IL21: variants seen among roughly 807,000 people sequenced by gnomAD.
IL21 encodes the protein interleukin 21.
A neutral mutation model predicts 18.4 loss-of-function variants in IL21; 3 were observed. The observed-to-expected ratio is 0.16, with a 90% confidence interval of 0.07 to 0.42. The LOEUF is 0.42. IL21 is among the 10% of genes least tolerant of loss of function. IL21 has a pLI of 0.99. For missense variants in IL21, 130 were observed against 188.4 expected (o/e 0.69, Z 1.81); for synonymous variants, 37 against 62.0 (o/e 0.60, Z 1.90).
chr4:122,610,975 C>A lies in IL21; in HGVS notation c.*1735G>T, dbSNP rs1578433858. On this transcript the variant is annotated 3_prime_UTR_variant, in exon 5 of 5. Transcript: ENST00000648588. ...GTTATTTTTACTTTTAAGATAGAGACCCTGATCAAAATAATTGGAACAGAA... is the reference window on the plus strand; with the variant it reads ...GTTATTTTTACTTTTAAGATAGAGAACCTGATCAAAATAATTGGAACAGAA... 6.6e-6 allele frequency among the ~76,000 whole-genome samples: 1 copy of A among 152,090 alleles called. No homozygotes were observed. Among genetic ancestry groups the A allele is most frequent in the African/African-American group, 2.4e-5 (1 of 41,414 alleles).
chr4:122,613,347 CTTTTTTT>C (rs34061725), intron 3 of IL21, among the ~76,000 whole-genome samples: 2 of 94,958 alleles, frequency 2.1e-5, no homozygotes, highest in African/African-American at 7.6e-5. Context: ...TTGCATCTAA[CTTTTTTT>C]TTTTTTTTTT....
rs759050428 is a variant in IL21, at chr4:122,612,778, C to T, written c.439-18G>A. On this transcript the variant is annotated intron_variant, in intron 4 of 4. Transcript: ENST00000648588. ...TGAATCATCTGTGGAAATAGTATAC[C>T]GTGAGTAACTAAGAAGCAAATCTGG... is the stretch of plus-strand genomic sequence containing the variant. 17 of 1,613,124 alleles carry T rather than the reference C, an allele frequency of 1.1e-5. No homozygotes were observed. In the Admixed American group the frequency reaches 2.0e-4, roughly 19 times the overall value.
intron 2 of IL21, 66 bp from the exon 3 acceptor site, chr4:122,615,903 C>A: frequency 7.4e-7 from 1 of 1,351,136 alleles, no homozygotes; most frequent in East Asian, 2.3e-5. Context: ...ATAGCTTTCC[C>A]AATCCTCTAT....
chr4:122,615,849 A>C lies in IL21; in HGVS notation c.205-12T>G, dbSNP rs760785878. The C allele has an allele frequency of 6.3e-7, 1 of 1,598,862 alleles. No homozygotes were observed. The highest frequency in any genetic ancestry group is 1.7e-5 in the Admixed American group (1 of 58,136). ...CACTCACAGTTTGTCTGAAAGATAA[A>C]CAATTTGTATATATGTTAACAAACA... On this transcript the variant is annotated splice_polypyrimidine_tract_variant and intron_variant, in intron 2 of 4. Transcript: ENST00000648588.
chr4:122,618,552 A>C (rs1799373525), intron 2 of IL21, among the ~76,000 whole-genome samples: 1 of 152,170 alleles, frequency 6.6e-6, no homozygotes, highest in South Asian at 2.1e-4. Context: ...CACGCCTGTC[A>C]TCCCAGCACT....
intron 2 of IL21, chr4:122,620,002 C>T (rs1799400929): frequency 6.6e-6 from 1 of 152,198 alleles, no homozygotes; most frequent in African/African-American, 2.4e-5. Context: ...GTAGAAGTTA[C>T]TGGAGAAAAA....
At chr4:122,620,546 TTTAACCAAAATA>T (rs1166572642) in intron 2 of IL21, among the ~76,000 whole-genome samples, 143 bp downstream of exon 2, 1 of 152,204 alleles carries the variant, frequency 6.6e-6, no homozygotes, top group Non-Finnish European at 1.5e-5. Flanking sequence ...AATCAATGAA[TTTAACCAAAATA>T]TAAATAAATA....
At chr4:122,617,793 G>A (rs1401888465) in intron 2 of IL21, among the ~76,000 whole-genome samples, 1 of 152,202 alleles carries the variant, frequency 6.6e-6, no homozygotes, top group African/African-American at 2.4e-5. Flanking sequence ...CTGGCAATAT[G>A]TGGTCCAGGA....
intron 2 of IL21, 108 bp downstream of exon 2, chr4:122,620,593 G>T: frequency 1.1e-6 from 1 of 929,098 alleles, no homozygotes; most frequent in Non-Finnish European, 1.7e-6. Context: ...AGACCGCTAA[G>T]TTCATTAAAA....
rs137963779 is a variant in IL21, at chr4:122,620,917, T to A, written c.95A>T (p.Gln32Leu). ...TLVHKSSSQG[Q>L]DRHMIRMRQL... ...ACGCATTCTAATCATGTGGCGATCT[T>A]GACCTTGGGAGCTTGATTTGTGGAC... The change falls in exon 1 of 5, where the codon CAA becomes CTA. Residue 32 changes from glutamine to leucine, a missense_variant. By Grantham distance (113) the Gln-to-Leu change is moderately radical. Transcript: ENST00000648588. 2 of 1,614,116 alleles carry A rather than the reference T, an allele frequency of 1.2e-6. No individual in the cohort carries two copies. The highest frequency in any genetic ancestry group is 1.7e-6 in the Non-Finnish European group (2 of 1,179,974).
At chr4:122,618,282 C>CT (rs66724277) in intron 2 of IL21, among the ~76,000 whole-genome samples, 13,182 of 145,376 alleles carry the variant, frequency 0.091, 1,893 homozygotes, top group African/African-American at 0.3. Context: ...CTCCTTAGGG[C>CT]TTTTTTTTTT....
chr4:122,619,428 A>T (rs1447714264), intron 2 of IL21: 1 of 152,208 alleles, frequency 6.6e-6, no homozygotes, highest in Admixed American at 6.5e-5. Context: ...GATGTAAGAT[A>T]AAAAATATCT....
At chr4:122,620,669 G>A (rs749188574) in intron 2 of IL21, 32 bp downstream of exon 2, 67 of 1,589,830 alleles carry the variant, frequency 4.2e-5, no homozygotes, top group Non-Finnish European at 5.6e-5. Flanking sequence ...TATGTCCAAT[G>A]TATTTTCAGA....
At chr4:122,617,954 C>G (rs142473957) in intron 2 of IL21, among the ~76,000 whole-genome samples, 66 of 152,252 alleles carry the variant, frequency 4.3e-4, no homozygotes, top group African/African-American at 1.6e-3. Flanking sequence ...CCTCAGGTGC[C>G]CTATCACTCA....
intron 2 of IL21, among the ~76,000 whole-genome samples, chr4:122,618,014 A>G (rs1466299476): frequency 1.3e-5 from 2 of 152,224 alleles, no homozygotes; most frequent in Non-Finnish European, 2.9e-5. Flanking sequence ...GGAAGCATGA[A>G]CATTGCTTTC....
chr4:122,619,300 C>A (rs1029036475), intron 2 of IL21: 1 of 152,160 alleles, frequency 6.6e-6, no homozygotes, highest in Non-Finnish European at 1.5e-5. Context: ...CCTGAGTTTG[C>A]CTACTAGTAT....
intron 3 of IL21, among the ~76,000 whole-genome samples, chr4:122,614,401 A>G (rs1370197804): frequency 1.3e-5 from 2 of 152,070 alleles, no homozygotes; most frequent in Non-Finnish European, 2.9e-5. Context: ...TTTGGAGGCA[A>G]AAGAACTAAT....
In IL21 at chr4:122,611,686, A is replaced by T. The variant is rs1049311124; in HGVS notation, c.*1024T>A. On this transcript the variant is annotated 3_prime_UTR_variant, in exon 5 of 5. Transcript: ENST00000648588. The stretch of plus-strand genomic sequence containing the variant: ...TCCTGGCCTCTTGGTTTGTCTCCTG[A>T]TTTTTAAATTATATAGGTGATTGAA... Among the ~76,000 whole-genome samples, 10 of 152,240 alleles carry T rather than the reference A, an allele frequency of 6.6e-5. No individual in the cohort carries two copies. The highest frequency in any genetic ancestry group is 2.4e-4 in the African/African-American group (10 of 41,542).
At chr4:122,614,175 C>A (rs180980896) in intron 3 of IL21, among the ~76,000 whole-genome samples, 10 of 151,102 alleles carry the variant, frequency 6.6e-5, no homozygotes, top group African/African-American at 2.2e-4. Context: ...ATCTCACTTT[C>A]CTCATCTATA....
Sources: allele counts gnomAD v4.1 joint callset (sites outside exome capture counted in the v4.1 genomes callset), GRCh38; gene constraint gnomAD v4.1.1; transcripts MANE v1.5; gene names NCBI Gene and HGNC (gene_info 2026-07-23, HGNC 2026-07-21).